Variants in DDR2 observed in about 807,000 individuals in gnomAD.
DDR2 encodes discoidin domain receptor tyrosine kinase 2.
A neutral mutation model predicts 94.9 loss-of-function variants in DDR2; 27 were observed. The ratio of observed to expected loss-of-function variants is 0.28; its 90% CI spans 0.21 to 0.39. DDR2 has a LOEUF of 0.39. Ranked by LOEUF, DDR2 falls within the 10% of genes least tolerant of loss-of-function variation. DDR2 has a pLI of 1.00. For missense variants in DDR2, 783 were observed against 1,076.0 expected (o/e 0.73, Z 3.81); for synonymous variants, 382 against 377.2 (o/e 1.01, Z -0.15).
intron 2 of DDR2, among the ~76,000 whole-genome samples, chr1:162,678,845 A>G (rs1251499177): frequency 6.6e-6 from 1 of 152,204 alleles, no homozygotes; most frequent in African/African-American, 2.4e-5. Context: ...CACTCAGTGG[A>G]GTCAGAGTCC....
At chr1:162,704,447 C>T (rs921655882) in intron 2 of DDR2, among the ~76,000 whole-genome samples, 2 of 152,182 alleles carry the variant, frequency 1.3e-5, no homozygotes, top group African/African-American at 4.8e-5. Flanking sequence ...CATCAAATAA[C>T]TATCTACTCT....
At chr1:162,697,119 A>G (rs537027368) in intron 2 of DDR2, among the ~76,000 whole-genome samples, 1 of 152,278 alleles carries the variant, frequency 6.6e-6, no homozygotes, top group South Asian at 2.1e-4. Context: ...GTAGGAAAGT[A>G]ATAACATATT....
chr1:162,651,435 G>A (rs1461738980), intron 1 of DDR2, among the ~76,000 whole-genome samples: 2 of 152,164 alleles, frequency 1.3e-5, no homozygotes, highest in Non-Finnish European at 2.9e-5. Flanking sequence ...TCAAGAGTCA[G>A]CTCAAATAAT....
intron 10 of DDR2, among the ~76,000 whole-genome samples, chr1:162,766,290 T>C (rs1663985900): frequency 1.3e-5 from 2 of 152,004 alleles, no homozygotes; most frequent in African/African-American, 2.4e-5. Flanking sequence ...GAGTCTGGAG[T>C]TGTCCTAATT....
chr1:162,696,161 C>T (rs898695626), intron 2 of DDR2, among the ~76,000 whole-genome samples: 2 of 150,112 alleles, frequency 1.3e-5, no homozygotes, highest in Admixed American at 6.6e-5. Context: ...ATCTTCTGAC[C>T]GACAGAAGAC....
chr1:162,646,140 C>A (rs994096107), intron 1 of DDR2, among the ~76,000 whole-genome samples: 9 of 152,118 alleles, frequency 5.9e-5, no homozygotes, highest in African/African-American at 1.9e-4. Flanking sequence ...ATTGTAAACA[C>A]CAATGAAAAG....
At chr1:162,776,394 CCTGT>C (rs750141965) in intron 16 of DDR2, 24 bp downstream of exon 16, 6 of 1,612,510 alleles carry the variant, frequency 3.7e-6, no homozygotes, top group South Asian at 1.1e-5. Flanking sequence ...ATTTTAAAGC[CCTGT>C]CTAACAACTG....
chr1:162,653,636 G>A (rs1305276639), intron 1 of DDR2, among the ~76,000 whole-genome samples: 1 of 151,866 alleles, frequency 6.6e-6, no homozygotes, highest in Non-Finnish European at 1.5e-5. Context: ...CTTCCCTGAT[G>A]CTGATGTGAT....
intron 3 of DDR2, among the ~76,000 whole-genome samples, chr1:162,744,668 C>G (rs1662765149): frequency 6.6e-6 from 1 of 151,814 alleles, no homozygotes; most frequent in Admixed American, 6.6e-5. Flanking sequence ...CCTCCCCTAG[C>G]CCCCCACCCA....
chr1:162,700,413 T>C (rs1219282012), intron 2 of DDR2, among the ~76,000 whole-genome samples: 1 of 152,150 alleles, frequency 6.6e-6, no homozygotes, highest in Non-Finnish European at 1.5e-5. Flanking sequence ...GGGAGCTAGG[T>C]CAAGGACATC....
intron 3 of DDR2, among the ~76,000 whole-genome samples, chr1:162,724,965 T>C (rs1439178912): frequency 6.6e-6 from 1 of 152,188 alleles, no homozygotes; most frequent in African/African-American, 2.4e-5. Context: ...GCCTTTGGCA[T>C]CCTTCCTGCC....
intron 16 of DDR2, among the ~76,000 whole-genome samples, chr1:162,778,257 A>AT (rs1305733031): frequency 2.0e-5 from 3 of 152,148 alleles, no homozygotes; most frequent in Non-Finnish European, 2.9e-5. Context: ...TTGACTTCCC[A>AT]TTCAGATTTT....
chr1:162,774,488 G>A (rs1208396987), intron 14 of DDR2, among the ~76,000 whole-genome samples: 1 of 152,226 alleles, frequency 6.6e-6, no homozygotes, highest in Non-Finnish European at 1.5e-5. Flanking sequence ...AAAGAAGAGA[G>A]AAAGGTGAGG....
chr1:162,740,053 C>T (rs1662513743), intron 3 of DDR2, among the ~76,000 whole-genome samples: 1 of 151,322 alleles, frequency 6.6e-6, no homozygotes, highest in African/African-American at 2.4e-5. Flanking sequence ...ACATCTATCT[C>T]TAAAGTTTAC....
Position 162,770,521 on chromosome 1 carries a change from G to T in DDR2, c.1504+9G>T, listed in dbSNP as rs1444346931. 1 of 1,613,820 alleles carries T rather than the reference G, an allele frequency of 6.2e-7. No individual in the cohort carries two copies. Among genetic ancestry groups the T allele is most frequent in the Non-Finnish European group, 8.5e-7 (1 of 1,179,896 alleles). On this transcript the variant is annotated intron_variant, in intron 12 of 17. Transcript: ENST00000367921. ...AGGGGAGGAGGAGTCAGGTGAGGAT[G>T]ATGTGGTGGGCAGGGTGTCAAGGGA...
chr1:162,722,442 C>T (rs1057074780), intron 3 of DDR2, among the ~76,000 whole-genome samples: 2 of 152,196 alleles, frequency 1.3e-5, no homozygotes, highest in African/African-American at 4.8e-5. Flanking sequence ...GAACTGGAAC[C>T]TAATCATCAT....
intron 1 of DDR2, among the ~76,000 whole-genome samples, chr1:162,643,774 C>T (rs889410355): frequency 1.3e-5 from 2 of 152,184 alleles, no homozygotes; most frequent in Non-Finnish European, 2.9e-5. Flanking sequence ...AGCCACTGCA[C>T]CCGGCCAGAA....
At chr1:162,651,629 C>T (rs567750142) in intron 1 of DDR2, among the ~76,000 whole-genome samples, 2 of 152,218 alleles carry the variant, frequency 1.3e-5, no homozygotes, top group East Asian at 3.9e-4. Flanking sequence ...TTTCTATCAA[C>T]TATAGTACAT....
At chr1:162,741,336 G>A (rs1169116197) in intron 3 of DDR2, among the ~76,000 whole-genome samples, 3 of 141,538 alleles carry the variant, frequency 2.1e-5, no homozygotes, top group African/African-American at 7.8e-5. Flanking sequence ...ACCCAGGTGA[G>A]CATCCCAAAT....
Sources: allele counts gnomAD v4.1 joint callset (sites outside exome capture counted in the v4.1 genomes callset), GRCh38; gene constraint gnomAD v4.1.1; transcripts MANE v1.5; gene names NCBI Gene and HGNC (gene_info 2026-07-23, HGNC 2026-07-21).